Variants in AVEN observed in about 807,000 individuals in gnomAD.
AVEN encodes the protein apoptosis and caspase activation inhibitor.
AVEN carries 41 observed loss-of-function variants against 38.1 expected under a neutral mutation model. The observed-to-expected ratio is 1.08, with a 90% CI of 0.84 to 1.40. The LOEUF is 1.40. Ranked by LOEUF, AVEN falls within the 40% of genes most tolerant of loss-of-function variation. The probability of loss-of-function intolerance (pLI) is 0.00; values close to 1 mark genes in which losing one functional copy is unlikely to be tolerated. For missense variants in AVEN, 605 were observed against 438.8 expected (o/e 1.38, Z -3.38); for synonymous variants, 206 against 171.8 (o/e 1.20, Z -1.56).
intron 1 of AVEN, among the ~76,000 whole-genome samples, chr15:34,029,517 CAAAAAA>C (rs66519745): frequency 2.4e-4 from 28 of 118,696 alleles, no homozygotes; most frequent in African/African-American, 5.7e-4. Flanking sequence ...CCTATTTCTA[CAAAAAA>C]AAAAAAAAAA....
intron 2 of AVEN, among the ~76,000 whole-genome samples, chr15:33,974,903 T>G (rs1597295277): frequency 6.6e-6 from 1 of 151,922 alleles, no homozygotes; most frequent in South Asian, 2.1e-4. Flanking sequence ...ACCCAGGAGG[T>G]GGAGCTTGCA....
chr15:33,867,817 C>G lies in AVEN; in HGVS notation c.651G>C (p.Lys217Asn). The stretch of plus-strand genomic sequence containing the variant: ...CTAATCCCTTGCCATCATCAGTTCT[C>G]TTTGGTTTCACCTGAGGAACCTCTA... ...VPLEVPQVKP[K>N]RTDDGKGLGM... The change falls in exon 5 of 6, where the codon AAG becomes AAC. Residue 217 changes from lysine (K) to asparagine (N), a missense_variant. Coordinates refer to ENST00000306730, the MANE Select transcript of AVEN (RefSeq NM_020371.3). The G allele has an allele frequency of 6.2e-7, 1 of 1,606,252 alleles. No homozygotes were observed.
upstream of AVEN, among the ~76,000 whole-genome samples, chr15:34,042,894 T>C (rs1277612050): frequency 6.6e-6 from 1 of 152,134 alleles, no homozygotes; most frequent in South Asian, 2.1e-4. Context: ...CCTCAACTAC[T>C]GTGTCAAGGT....
chr15:33,859,759 A>T (rs2080129774), intron 11 of AVEN: 1 of 1,584,920 alleles, frequency 6.3e-7, no homozygotes, highest in African/African-American at 1.3e-5. Context: ...GTTGAGTATG[A>T]ACAGGGTTTA....
At chr15:33,868,339 T>C (rs1203700418) in intron 4 of AVEN, among the ~76,000 whole-genome samples, 4 of 151,806 alleles carry the variant, frequency 2.6e-5, no homozygotes, top group Non-Finnish European at 5.9e-5. Context: ...CTGGCTAACA[T>C]GGTGAAACCC....
At chr15:33,882,094 C>A (rs1442788233) in intron 2 of AVEN, among the ~76,000 whole-genome samples, 1 of 152,138 alleles carries the variant, frequency 6.6e-6, no homozygotes, top group East Asian at 1.9e-4. Context: ...AACTGTCTGA[C>A]TTACAGAATA....
intron 2 of AVEN, among the ~76,000 whole-genome samples, chr15:33,986,927 G>A (rs1028750624): frequency 4.6e-5 from 7 of 152,302 alleles, no homozygotes; most frequent in Middle Eastern, 6.8e-3. Context: ...AAAGTGCTGG[G>A]ATTACAGGCA....
chr15:33,865,506 C>CTAGTT, downstream of AVEN: 1 of 367,948 alleles, frequency 2.7e-6, no homozygotes, highest in South Asian at 4.5e-5. Context: ...TCTGAGGTAA[C>CTAGTT]TAGTTCAGTT....
intron 2 of AVEN, among the ~76,000 whole-genome samples, chr15:33,889,208 CTTT>C (rs1291532742): frequency 6.6e-6 from 1 of 152,088 alleles, no homozygotes; most frequent in African/African-American, 2.4e-5. Flanking sequence ...AAATGGGCAT[CTTT>C]TTTGACTGCT....
At chr15:34,009,627 T>C (rs1304017697) in intron 1 of AVEN, among the ~76,000 whole-genome samples, 1 of 152,080 alleles carries the variant, frequency 6.6e-6, no homozygotes, top group Non-Finnish European at 1.5e-5. Context: ...AAAATAGACT[T>C]TAAAACAAAA....
intron 5 of AVEN, among the ~76,000 whole-genome samples, chr15:34,059,195 C>T (rs116264406): frequency 0.014 from 2,137 of 152,272 alleles, 62 homozygotes; most frequent in African/African-American, 0.048. Flanking sequence ...CCACACCTGG[C>T]CTCCTTATTT....
chr15:34,074,316 A>G (rs1216777208), intron 1 of AVEN, among the ~76,000 whole-genome samples: 1 of 152,076 alleles, frequency 6.6e-6, no homozygotes, highest in East Asian at 1.9e-4. Context: ...AACTTAAAAA[A>G]CAAAAACAAA....
intron 1 of AVEN, among the ~76,000 whole-genome samples, chr15:34,004,980 T>A (rs369286758): frequency 1.2e-4 from 13 of 110,134 alleles, no homozygotes; most frequent in East Asian, 3.9e-4. Flanking sequence ...TTAAAAAAAA[T>A]AATGAGCTTT....
intron 2 of AVEN, among the ~76,000 whole-genome samples, chr15:33,909,112 T>C (rs1420281204): frequency 2.0e-5 from 3 of 152,232 alleles, no homozygotes; most frequent in African/African-American, 7.2e-5. Context: ...TTTGTTTTGG[T>C]GCTTGAGTTT....
At chr15:33,975,130 G>A (rs967013564) in intron 2 of AVEN, among the ~76,000 whole-genome samples, 3 of 152,116 alleles carry the variant, frequency 2.0e-5, no homozygotes, top group Non-Finnish European at 4.4e-5. Context: ...CTTAGAGCCC[G>A]CAGGTCCCCT....
intron 3 of AVEN, among the ~76,000 whole-genome samples, chr15:33,874,132 T>C (rs1356588173): frequency 5.9e-5 from 9 of 152,214 alleles, no homozygotes; most frequent in Admixed American, 5.9e-4. Flanking sequence ...ATATTAGTAA[T>C]AAAAGAGCTC....
chr15:33,903,945 C>T (rs1284108620), intron 2 of AVEN, among the ~76,000 whole-genome samples: 2 of 152,138 alleles, frequency 1.3e-5, no homozygotes, highest in Admixed American at 1.3e-4. Flanking sequence ...TGTTACTGTA[C>T]TGAATACTGC....
chr15:33,874,692 C>A (rs959443513), intron 3 of AVEN, among the ~76,000 whole-genome samples: 8 of 152,178 alleles, frequency 5.3e-5, no homozygotes, highest in African/African-American at 1.9e-4. Flanking sequence ...GGGCTTAGAG[C>A]AATGAACAGG....
chr15:34,064,212 A>G, intron 4 of AVEN: 1 of 1,614,172 alleles, frequency 6.2e-7, no homozygotes, highest in Non-Finnish European at 8.5e-7. Flanking sequence ...TGCCCTCTGC[A>G]ACAGAACCTT....
Sources: gnomAD v4.1 joint callset for allele counts (sites outside exome capture counted in the v4.1 genomes callset) on GRCh38, gnomAD v4.1.1 for gene constraint, MANE v1.5 for transcripts, NCBI Gene and HGNC (gene_info 2026-07-23, HGNC 2026-07-21) for gene names.